The following SAMD4A variants were observed in gnomAD, a reference collection of about 807,000 sequenced individuals.
SAMD4A encodes the protein sterile alpha motif domain containing 4A.
In SAMD4A, 33 loss-of-function variants were observed where a neutral mutation model predicts 81.3. The ratio of observed to expected loss-of-function variants is 0.41; its 90% CI spans 0.31 to 0.54. SAMD4A has a LOEUF of 0.54. Ranked by LOEUF, SAMD4A falls within the 20% of genes least tolerant of loss-of-function variation. The pLI is 0.37. For synonymous variants in SAMD4A, 389 were observed against 382.1 expected (o/e 1.02, Z -0.21); for missense variants, 854 against 951.1 (o/e 0.90, Z 1.34).
intron 2 of SAMD4A, among the ~76,000 whole-genome samples, chr14:54,619,970 C>CT (rs886384671): frequency 2.0e-5 from 3 of 149,608 alleles, no homozygotes; most frequent in Non-Finnish European, 3.0e-5. Context: ...CTTTTTTTTT[C>CT]TTTTTTTTAA....
chr14:54,653,250 G>T (rs2035444568), intron 2 of SAMD4A, among the ~76,000 whole-genome samples: 1 of 151,244 alleles, frequency 6.6e-6, no homozygotes, highest in Non-Finnish European at 1.5e-5. Context: ...TCTAGGCAGG[G>T]CCTTGAGGCC....
intron 4 of SAMD4A, among the ~76,000 whole-genome samples, chr14:54,738,568 A>G (rs1283701502): frequency 6.6e-6 from 1 of 152,222 alleles, no homozygotes; most frequent in African/African-American, 2.4e-5. Flanking sequence ...GCCATGTGTC[A>G]CTTGGGTACG....
intron 3 of SAMD4A, among the ~76,000 whole-genome samples, chr14:54,725,863 C>T (rs1321541273): frequency 6.6e-6 from 1 of 152,138 alleles, no homozygotes; most frequent in Admixed American, 6.5e-5. Context: ...TTCAGCAGTC[C>T]GTTTTTGTTT....
chr14:54,581,648 C>T (rs1254038816), intron 2 of SAMD4A, among the ~76,000 whole-genome samples: 1 of 152,160 alleles, frequency 6.6e-6, no homozygotes, highest in Non-Finnish European at 1.5e-5. Flanking sequence ...ACCTCTGTAT[C>T]CCTGCCTGTA....
intron 2 of SAMD4A, among the ~76,000 whole-genome samples, chr14:54,644,776 A>T (rs2035250275): frequency 6.6e-6 from 1 of 152,352 alleles, no homozygotes; most frequent in South Asian, 2.1e-4. Context: ...GACAGGCAAC[A>T]TGATATGATT....
At chr14:54,775,967 A>G (rs1361643390) in intron 10 of SAMD4A, among the ~76,000 whole-genome samples, 5 of 142,312 alleles carry the variant, frequency 3.5e-5, no homozygotes, top group African/African-American at 7.9e-5. Context: ...TTGCCAGCTG[A>G]GAGTTTCTTT....
At chr14:54,597,897 G>T (rs2033954959) in intron 2 of SAMD4A, among the ~76,000 whole-genome samples, 1 of 152,062 alleles carries the variant, frequency 6.6e-6, no homozygotes, top group Admixed American at 6.5e-5. Flanking sequence ...CCCTGTTGTG[G>T]TCTTAAGCAC....
intron 4 of SAMD4A, among the ~76,000 whole-genome samples, chr14:54,748,378 A>G (rs1045601227): frequency 6.6e-6 from 1 of 152,340 alleles, no homozygotes; most frequent in South Asian, 2.1e-4. Flanking sequence ...TGTAGCTCTA[A>G]CATTCGAAGC....
chr14:54,688,239 C>T (rs2036331045), intron 2 of SAMD4A: 5 of 985,278 alleles, frequency 5.1e-6, no homozygotes, highest in East Asian at 1.1e-4. Context: ...GTGGGTTCAT[C>T]GTCAGACCAG....
At chr14:54,577,389 G>A (rs1039346765) in intron 2 of SAMD4A, among the ~76,000 whole-genome samples, 9 of 152,254 alleles carry the variant, frequency 5.9e-5, no homozygotes, top group Non-Finnish European at 8.8e-5. Flanking sequence ...TCCAAGCTAA[G>A]AAGGTGTTTG....
chr14:54,652,672 C>T (rs2035430427), intron 2 of SAMD4A: 1 of 151,672 alleles, frequency 6.6e-6, no homozygotes, highest in Non-Finnish European at 1.5e-5. Flanking sequence ...GTTACAGACC[C>T]TTTGTGCAGT....
chr14:54,749,052 G>A, intron 5 of SAMD4A, 128 bp downstream of exon 5: 2 of 644,080 alleles, frequency 3.1e-6, no homozygotes, highest in Non-Finnish European at 5.5e-6. Context: ...TGGAAACTGT[G>A]GGGTGCTGGC....
chr14:54,595,962 G>A (rs754305099), intron 2 of SAMD4A, among the ~76,000 whole-genome samples: 1 of 152,290 alleles, frequency 6.6e-6, no homozygotes, highest in Admixed American at 6.5e-5. Flanking sequence ...TCAAGAAATA[G>A]TATCTTTTCA....
intron 2 of SAMD4A, among the ~76,000 whole-genome samples, chr14:54,681,464 C>G (rs757617682): frequency 6.6e-5 from 10 of 152,160 alleles, no homozygotes; most frequent in Non-Finnish European, 8.8e-5. Flanking sequence ...CGGACTCGCT[C>G]TGTTACCCAG....
intron 4 of SAMD4A, among the ~76,000 whole-genome samples, chr14:54,741,759 G>A (rs1022869840): frequency 2.0e-5 from 3 of 152,198 alleles, no homozygotes; most frequent in African/African-American, 7.2e-5. Flanking sequence ...CTGAGTCTCA[G>A]AGCATGACTA....
chr14:54,650,613 T>A (rs1347918742), intron 2 of SAMD4A, among the ~76,000 whole-genome samples: 1 of 152,142 alleles, frequency 6.6e-6, no homozygotes, highest in Non-Finnish European at 1.5e-5. Context: ...CCCCAACTGG[T>A]TCTTCCCTGC....
intron 2 of SAMD4A, among the ~76,000 whole-genome samples, chr14:54,623,569 G>A (rs1023362588): frequency 6.7e-6 from 1 of 148,154 alleles, no homozygotes; most frequent in Non-Finnish European, 1.5e-5. Flanking sequence ...TTGGCCACTG[G>A]AAAAATAATG....
At chr14:54,683,162 C>T (rs980504643) in intron 2 of SAMD4A, among the ~76,000 whole-genome samples, 2 of 152,214 alleles carry the variant, frequency 1.3e-5, no homozygotes, top group African/African-American at 2.4e-5. Context: ...CATCTCCTTT[C>T]CAGGTACCCC....
chr14:54,734,239 T>C (rs2037633136), intron 3 of SAMD4A, among the ~76,000 whole-genome samples: 2 of 152,322 alleles, frequency 1.3e-5, no homozygotes, highest in South Asian at 4.1e-4. Context: ...GGCATTTACC[T>C]AGCACGACTT....
Sources: allele counts gnomAD v4.1 joint callset (sites outside exome capture counted in the v4.1 genomes callset), GRCh38; gene constraint gnomAD v4.1.1; transcripts MANE v1.5; gene names NCBI Gene and HGNC (gene_info 2026-07-23, HGNC 2026-07-21).